ARHGAP5: variants seen among roughly 807,000 people sequenced by gnomAD.
The protein encoded by ARHGAP5 is rho GTPase-activating protein 5.
A neutral mutation model predicts 116.6 loss-of-function variants in ARHGAP5; 23 were observed. That is an observed-to-expected ratio of 0.20 (90% CI 0.14 to 0.28). The LOEUF (loss-of-function observed/expected upper bound fraction) is 0.28. Among genes scored for constraint, ARHGAP5 ranks in the 10% least tolerant of loss-of-function variants. ARHGAP5 has a pLI of 1.00. For missense variants in ARHGAP5, 1,405 were observed against 1,774.8 expected, an observed-to-expected ratio of 0.79 and a Z score of 3.74; for synonymous variants, 574 against 602.0, an observed-to-expected ratio of 0.95 and a Z score of 0.68.
intron 2 of ARHGAP5, among the ~76,000 whole-genome samples, chr14:32,106,072 G>A (rs571424509): frequency 1.3e-5 from 2 of 152,222 alleles, no homozygotes; most frequent in East Asian, 1.9e-4. Flanking sequence ...ATGAACATTC[G>A]AATACAGGAT....
chr14:32,116,879 A>C (rs529422940), intron 2 of ARHGAP5, among the ~76,000 whole-genome samples: 3 of 152,232 alleles, frequency 2.0e-5, no homozygotes, highest in East Asian at 3.9e-4. Context: ...GATATTTTCT[A>C]TTCTCTCCTG....
In ARHGAP5 at chr14:32,090,790, T is replaced by A. The variant is rs1878201912; in HGVS notation, c.121T>A (p.Phe41Ile). 3 of 1,613,684 alleles carry A rather than the reference T, an allele frequency of 1.9e-6. No individual in the cohort carries two copies. The highest frequency in any genetic ancestry group is 1.6e-4 in the Middle Eastern group (1 of 6,062). Residue 41 changes from phenylalanine to isoleucine, a missense_variant, in exon 2 of 7, where the codon TTT becomes ATT. Coordinates refer to ENST00000345122, the MANE Select transcript of ARHGAP5 (RefSeq NM_001030055.2). Reference protein sequence around the residue: ...GVGKSCLCNRFVRSKADEYYP... With the variant: ...GVGKSCLCNRIVRSKADEYYP... ...TGGAAAGTCTTGTTTGTGCAATAGA[T>A]TTGTACGCTCAAAAGCAGATGAATA...
At chr14:32,077,480 C>A (rs752631012) in intron 1 of ARHGAP5, 45 bp downstream of exon 1, 1 of 684,508 alleles carries the variant, frequency 1.5e-6, no homozygotes, top group Non-Finnish European at 2.7e-6. Context: ...CCTGCCCCCT[C>A]CCGGACGGGG....
intron 3 of ARHGAP5, among the ~76,000 whole-genome samples, chr14:32,125,480 A>G (rs187505375): frequency 1.1e-3 from 161 of 152,282 alleles, no homozygotes; most frequent in Admixed American, 1.6e-3. Flanking sequence ...CCTGTTTTCA[A>G]TTATTTTGGG....
intron 3 of ARHGAP5, among the ~76,000 whole-genome samples, chr14:32,117,948 G>GAAACCTTAA (rs148990218): frequency 0.03 from 4,513 of 152,206 alleles, 221 homozygotes; most frequent in African/African-American, 0.1. Context: ...AAATGAACAC[G>GAAACCTTAA]AGTTAACCAT....
intron 3 of ARHGAP5, among the ~76,000 whole-genome samples, chr14:32,121,978 A>C (rs1879911269): frequency 6.6e-6 from 1 of 152,120 alleles, no homozygotes; most frequent in Admixed American, 6.5e-5. Context: ...CTACTTTTTA[A>C]CTTGTGAAGA....
intron 6 of ARHGAP5, among the ~76,000 whole-genome samples, chr14:32,153,513 G>A (rs192013218): frequency 2.0e-4 from 24 of 119,398 alleles, no homozygotes; most frequent in Admixed American, 1.1e-3. Flanking sequence ...TTGCTCTGTC[G>A]CCAGGCTGGA....
chr14:32,151,726 C>T (rs1881646291), intron 5 of ARHGAP5, among the ~76,000 whole-genome samples: 1 of 152,154 alleles, frequency 6.6e-6, no homozygotes, highest in Non-Finnish European at 1.5e-5. Flanking sequence ...TACTCTGTAG[C>T]ATAAATGTTA....
intron 2 of ARHGAP5, among the ~76,000 whole-genome samples, chr14:32,114,766 T>C (rs994399856): frequency 6.6e-6 from 1 of 152,200 alleles, no homozygotes; most frequent in African/African-American, 2.4e-5. Flanking sequence ...ATATTTAAGA[T>C]ATTCAGAGAC....
intron 3 of ARHGAP5, among the ~76,000 whole-genome samples, chr14:32,127,285 A>C (rs1449286814): frequency 6.6e-6 from 1 of 152,052 alleles, no homozygotes; most frequent in African/African-American, 2.4e-5. Flanking sequence ...ACATGTGAAC[A>C]AAGGTCTCTG....
chr14:32,087,150 A>G (rs984221926), intron 1 of ARHGAP5, among the ~76,000 whole-genome samples: 3 of 152,048 alleles, frequency 2.0e-5, no homozygotes, highest in Non-Finnish European at 2.9e-5. Context: ...CATTGAAGAC[A>G]CTGGGCATTA....
At position 32,143,239 on chromosome 14, in the gene ARHGAP5, GTTATTA is replaced by G. The variant is rs879687026; in HGVS notation, c.3866-3009_3866-3004del. On this transcript the variant is annotated intron_variant, in intron 3 of 6. Coordinates refer to ENST00000345122, the MANE Select transcript of ARHGAP5 (RefSeq NM_001030055.2). ...TGTTGTTGTTGTTGTTGTTGTTGTT[GTTATTA>G]TTATTATTATTATTTGAGACGGAGA... is the stretch of plus-strand genomic sequence containing the variant. Among the ~76,000 whole-genome samples, 60 of 143,968 alleles carry G rather than the reference GTTATTA, an allele frequency of 4.2e-4. 1 individual carries two copies. Among genetic ancestry groups the G allele is most frequent in the South Asian group, 1.3e-3 (6 of 4,528 alleles). 94.4% of individuals were successfully genotyped at this position (143,968 alleles called of 152,430 possible). A position where few individuals can be genotyped will look rare whatever the true frequency, so the allele number is the denominator to read the frequency against.
intron 2 of ARHGAP5, among the ~76,000 whole-genome samples, chr14:32,100,024 G>T (rs1401134636): frequency 6.6e-6 from 1 of 152,116 alleles, no homozygotes; most frequent in East Asian, 1.9e-4. Flanking sequence ...TTAAAATCAT[G>T]ACCCATTATA....
At chr14:32,105,164 G>A (rs187011404) in intron 2 of ARHGAP5, among the ~76,000 whole-genome samples, 47 of 152,172 alleles carry the variant, frequency 3.1e-4, no homozygotes, top group African/African-American at 1.1e-3. Flanking sequence ...AGTCATACAA[G>A]GCATGTTTGT....
chr14:32,094,366 A>G lies in ARHGAP5; in HGVS notation c.3697A>G (p.Lys1233Glu). ...DDKKMKKKTH[K>E]VKEDKKQKKK... Reference sequence around the variant, plus strand: ...TAAGAAGATGAAGAAGAAAACCCACAAAGTGAAAGAAGATAAAAAGGTAAG... The same window carrying G: ...TAAGAAGATGAAGAAGAAAACCCACGAAGTGAAAGAAGATAAAAAGGTAAG... Residue 1233 changes from lysine (K) to glutamate (E), a missense_variant, in exon 2 of 7, where the codon AAA (lysine) becomes GAA (glutamate). By Grantham distance (56) the Lys-to-Glu change is moderately conservative. Transcript: ENST00000345122. 2 of 1,574,952 alleles carry G rather than the reference A, an allele frequency of 1.3e-6. No individual in the cohort carries two copies. Among genetic ancestry groups the G allele is most frequent in the East Asian group, 2.2e-5 (1 of 44,632 alleles).
chr14:32,080,948 C>T (rs1437459008), intron 1 of ARHGAP5, among the ~76,000 whole-genome samples: 2 of 152,092 alleles, frequency 1.3e-5, no homozygotes, highest in African/African-American at 4.8e-5. Flanking sequence ...TAGTATGTTA[C>T]TTGCTTAGAG....
At chr14:32,152,180 C>T (rs1264022334) in intron 5 of ARHGAP5, among the ~76,000 whole-genome samples, 2 of 152,180 alleles carry the variant, frequency 1.3e-5, no homozygotes, top group Admixed American at 6.5e-5. Flanking sequence ...ATGTAATGCA[C>T]TTGAATCATC....
At chr14:32,094,468 T>C (rs1878427797) in intron 2 of ARHGAP5, 82 bp downstream of exon 2, 6 of 1,067,282 alleles carry the variant, frequency 5.6e-6, no homozygotes, top group African/African-American at 1.6e-5. Context: ...TGTTAGAATT[T>C]AGTCTCATTC....
At chr14:32,106,797 T>A (rs1316496852) in intron 2 of ARHGAP5, among the ~76,000 whole-genome samples, 1 of 152,236 alleles carries the variant, frequency 6.6e-6, no homozygotes. Flanking sequence ...ATTAAGATTA[T>A]GCACATAGTA....
Sources: allele counts gnomAD v4.1 joint callset (sites outside exome capture counted in the v4.1 genomes callset), GRCh38; gene constraint gnomAD v4.1.1; transcripts MANE v1.5; gene names NCBI Gene and HGNC (gene_info 2026-07-23, HGNC 2026-07-21).